Variants in RGS12 observed in about 807,000 individuals in gnomAD.
RGS12 encodes regulator of G protein signaling 12.
A neutral mutation model predicts 120.1 loss-of-function variants in RGS12; 66 were observed. That is an observed-to-expected ratio of 0.55 (90% CI 0.45 to 0.67). The LOEUF is 0.67. RGS12 is among the 30% of genes least tolerant of loss of function. RGS12 has a pLI of 0.00. For missense variants in RGS12, 1,859 were observed against 1,957.7 expected (o/e 0.95, Z 0.95); for synonymous variants, 827 against 804.7 (o/e 1.03, Z -0.47).
chr4:3,343,146 T>TGTGGTCCCCTCCCC, intron 3 of RGS12, 93 bp downstream of exon 3: 1 of 836,004 alleles, frequency 1.2e-6, no homozygotes, highest in Non-Finnish European at 2.0e-6. Context: ...TTTGAGTCCC[T>TGTGGTCCCCTCCCC]GTGGTCCCCT....
At position 3,428,630 on chromosome 4, in the gene RGS12, C is replaced by T. The variant is rs775199176; in HGVS notation, c.3484C>T (p.Pro1162Ser). The T allele has an allele frequency of 2.5e-6, 4 of 1,604,590 alleles. No individual in the cohort carries two copies. Among genetic ancestry groups the T allele is most frequent in the East Asian group, 2.2e-5 (1 of 44,830 alleles). The change falls in exon 16 of 18, where the codon CCC becomes TCC. Residue 1162 changes from proline to serine, a missense_variant. This residue lies in a region of RGS12 where 517 missense variants were observed against 488.5 expected (regional missense o/e 1.06). Coordinates refer to ENST00000336727, the MANE Select transcript of RGS12 (RefSeq NM_001394154.1). ...AGAAAATGGAAAAAATGCTAGGGATCCCCGGCTTTCAAAGAGAGAAGAATC... is the reference window on the plus strand; with the variant it reads ...AGAAAATGGAAAAAATGCTAGGGATTCCCGGCTTTCAAAGAGAGAAGAATC... Reference protein sequence around the residue: ...KGENGKNARDPRLSKREESIA... With the variant: ...KGENGKNARDSRLSKREESIA...
intron 2 of RGS12, among the ~76,000 whole-genome samples, chr4:3,322,159 G>T (rs951935795): frequency 2.6e-5 from 4 of 152,162 alleles, no homozygotes; most frequent in Admixed American, 6.5e-5. Flanking sequence ...CTTGTTGCTC[G>T]GCATTTCTAC....
chr4:3,408,434 G>A (rs536948819), intron 4 of RGS12, among the ~76,000 whole-genome samples: 8 of 152,304 alleles, frequency 5.3e-5, no homozygotes, highest in Middle Eastern at 3.4e-3. Context: ...GCTCTGCCTC[G>A]CACCTGGCTC....
intron 4 of RGS12, among the ~76,000 whole-genome samples, chr4:3,391,869 T>A (rs932422718): frequency 6.6e-6 from 1 of 152,124 alleles, no homozygotes; most frequent in Non-Finnish European, 1.5e-5. Context: ...TCTGGGAGGA[T>A]GTTCACCTGC....
intron 3 of RGS12, among the ~76,000 whole-genome samples, chr4:3,349,850 ATGTT>A (rs1714195291): frequency 1.3e-5 from 2 of 152,324 alleles, no homozygotes; most frequent in African/African-American, 4.8e-5. Context: ...TCAGCAATGT[ATGTT>A]TTAGTACTTT....
chr4:3,438,624 T>C (rs1229772473), intron 17 of RGS12, among the ~76,000 whole-genome samples: 1 of 152,112 alleles, frequency 6.6e-6, no homozygotes, highest in Non-Finnish European at 1.5e-5. Context: ...AACTGTGTCT[T>C]CCAGGGGTCC....
intron 4 of RGS12, among the ~76,000 whole-genome samples, chr4:3,396,326 T>TC (rs1273277347): frequency 2.0e-5 from 3 of 152,246 alleles, no homozygotes; most frequent in Non-Finnish European, 2.9e-5. Context: ...TTATCATTTT[T>TC]CCCCTTAGGG....
intron 3 of RGS12, among the ~76,000 whole-genome samples, chr4:3,344,517 G>T (rs1017082166): frequency 1.3e-5 from 2 of 152,222 alleles, no homozygotes; most frequent in Non-Finnish European, 2.9e-5. Context: ...TGTGGCCCTA[G>T]GTTTGGGCTG....
rs1578776066 is a variant in RGS12, at chr4:3,342,961, G to A, written c.1906G>A (p.Gly636Arg). The change falls in exon 3 of 18, where the codon GGA (glycine) becomes AGA (arginine). Residue 636 changes from glycine to arginine, a missense_variant. Physicochemically the swap from Gly to Arg is moderately radical, Grantham distance 125 (BLOSUM62 -2). Transcript: ENST00000336727. ...GGGCTCAAAATTTGGGCGGGGAACTGGACTCACTCAGCCTTCTCAACGCAC... is the reference window on the plus strand; with the variant it reads ...GGGCTCAAAATTTGGGCGGGGAACTAGACTCACTCAGCCTTCTCAACGCAC... ...KKGSKFGRGT[G>R]LTQPSQRTSA... 6.2e-7 allele frequency: 1 copy of A among 1,613,734 alleles called. No homozygotes were observed. The highest frequency in any genetic ancestry group is 2.2e-5 in the East Asian group (1 of 44,884).
At chr4:3,418,624 TC>T (rs2109134260) in intron 9 of RGS12, 1 of 152,416 alleles carries the variant, frequency 6.6e-6, no homozygotes, top group East Asian at 1.9e-4. Flanking sequence ...GAAGCGTTGT[TC>T]CCGGGGCGCT....
intron 14 of RGS12, chr4:3,426,683 G>C (rs955507029): frequency 6.6e-6 from 1 of 152,158 alleles, no homozygotes; most frequent in Non-Finnish European, 1.5e-5. Context: ...TCATCCTGAC[G>C]CGCAGGAGCC....
intron 4 of RGS12, among the ~76,000 whole-genome samples, chr4:3,408,484 C>T (rs1268219283): frequency 2.0e-5 from 3 of 152,190 alleles, no homozygotes; most frequent in Non-Finnish European, 4.4e-5. Flanking sequence ...GAATTTTGTC[C>T]AGATGGAATC....
At chr4:3,324,559 T>A (rs1725435883) in intron 2 of RGS12, 1 of 159,694 alleles carries the variant, frequency 6.3e-6, no homozygotes, top group Non-Finnish European at 1.4e-5. Context: ...CAGCCATTCA[T>A]GGAGGATGGC....
In RGS12 at chr4:3,343,000, T is replaced by A. The variant is rs775997770; in HGVS notation, c.1945T>A (p.Ser649Thr). ...QPSQRTSARRSFGRSKRFSIT... is the reference protein window; with the variant it reads ...QPSQRTSARRTFGRSKRFSIT... ...TTCTCAACGCACGTCTGCTCGGAGA[T>A]CATTTGGGAGATCCAAGAGATTCAG... The change falls in exon 3 of 18, where the codon TCA becomes ACA. Residue 649 changes from serine to threonine, a missense_variant. This residue lies in a region of RGS12 where 967 missense variants were observed against 994.2 expected (regional missense o/e 0.97). Transcript: ENST00000336727. 2.5e-6 allele frequency: 4 copies of A among 1,613,606 alleles called. No homozygotes were observed. Among genetic ancestry groups the A allele is most frequent in the Admixed American group, 3.3e-5 (2 of 59,982 alleles).
intron 1 of RGS12, among the ~76,000 whole-genome samples, chr4:3,309,588 T>A (rs1724208865): frequency 9.6e-6 from 1 of 103,668 alleles, no homozygotes; most frequent in Non-Finnish European, 1.8e-5. Context: ...AGGGGAACTG[T>A]GTTGAGGAGG....
At chr4:3,312,094 G>A (rs561495759) in intron 1 of RGS12, among the ~76,000 whole-genome samples, 10 of 152,302 alleles carry the variant, frequency 6.6e-5, no homozygotes, top group African/African-American at 2.4e-4. Flanking sequence ...CTAAGTCAGA[G>A]TCCCTGGGAG....
At chr4:3,431,710 T>A (rs1724325328) in intron 17 of RGS12, 9 of 985,386 alleles carry the variant, frequency 9.1e-6, no homozygotes, top group Non-Finnish European at 1.1e-5. Flanking sequence ...TGCGTGGCCA[T>A]CCCCTGGAGA....
intron 3 of RGS12, chr4:3,370,237 C>T (rs769306949): frequency 6.2e-7 from 1 of 1,613,378 alleles, no homozygotes; most frequent in African/African-American, 1.3e-5. Context: ...TGTCTTAGAC[C>T]CGGGTGCCTA....
At position 3,386,455 on chromosome 4, in the gene RGS12, A is replaced by T. The variant is rs1347382501; in HGVS notation, c.2020+18A>T. On this transcript the variant is annotated intron_variant, in intron 4 of 17. Transcript: ENST00000336727. The stretch of plus-strand genomic sequence containing the variant: ...TGATGGCGGTAAGTCACAATTTCTG[A>T]TGTATATATTTTTTATTTTTCATAA... 79 of 1,598,114 alleles carry T rather than the reference A, an allele frequency of 4.9e-5. No individual in the cohort carries two copies. Among genetic ancestry groups the T allele is most frequent in the Non-Finnish European group, 6.6e-5 (77 of 1,167,264 alleles).
Sources: gnomAD v4.1 joint callset for allele counts (sites outside exome capture counted in the v4.1 genomes callset) on GRCh38, gnomAD v4.1.1 for gene constraint, gnomAD v4.1.1 regional missense constraint, MANE v1.5 for transcripts, NCBI Gene and HGNC (gene_info 2026-07-23, HGNC 2026-07-21) for gene names.